The following SRD5A2 variants were observed in gnomAD, a reference collection of about 807,000 sequenced individuals.
The protein encoded by SRD5A2 is 3-oxo-5-alpha-steroid 4-dehydrogenase 2.
A neutral mutation model predicts 27.4 loss-of-function variants in SRD5A2; 30 were observed. The observed-to-expected ratio is 1.10, with a 90% CI of 0.82 to 1.49. The LOEUF (loss-of-function observed/expected upper bound fraction) is 1.49. SRD5A2 is among the 40% of genes most tolerant of loss of function. The pLI, the probability that SRD5A2 is intolerant of heterozygous loss-of-function variation, is 0.00. For missense variants in SRD5A2, 348 were observed against 323.4 expected (o/e 1.08, Z -0.58); for synonymous variants, 141 against 133.6 (o/e 1.06, Z -0.38).
At chr2:31,621,195 A>G in the SRD5A2 span, among the ~76,000 whole-genome samples, 1 of 151,948 alleles carries the variant, frequency 6.6e-6, no homozygotes, top group Non-Finnish European at 1.5e-5. Context: ...CAATCAAGAT[A>G]CAGAATAATG....
intron 1 of SRD5A2, among the ~76,000 whole-genome samples, chr2:31,537,026 C>T (rs1666041017): frequency 6.6e-6 from 1 of 152,120 alleles, no homozygotes; most frequent in African/African-American, 2.4e-5. Flanking sequence ...AATTGCAAAT[C>T]CAAATTAAAC....
chr2:31,530,266 A>G (rs1665876852), intron 3 of SRD5A2, among the ~76,000 whole-genome samples: 1 of 152,216 alleles, frequency 6.6e-6, no homozygotes, highest in South Asian at 2.1e-4. Context: ...CAAAAGTTGG[A>G]AACTAATCTT....
At chr2:31,577,158 A>AC (rs11399151) in intron 1 of SRD5A2, among the ~76,000 whole-genome samples, 1 of 39,502 alleles carries the variant, frequency 2.5e-5, no homozygotes, top group Non-Finnish European at 4.5e-5. Context: ...AAAAAAAAAA[A>AC]CATTAAAAAA....
the SRD5A2 span, among the ~76,000 whole-genome samples, chr2:31,644,557 T>A: frequency 6.6e-6 from 1 of 152,166 alleles, no homozygotes; most frequent in Non-Finnish European, 1.5e-5. Flanking sequence ...GAGAATCTAA[T>A]GCGGCAGCTG....
chr2:31,583,625 A>C (rs1296214158), upstream of SRD5A2, among the ~76,000 whole-genome samples: 7 of 42,452 alleles, frequency 1.6e-4, no homozygotes, highest in Non-Finnish European at 2.5e-4. Context: ...AAAAAAAAAA[A>C]AAACAAAAAA....
At chr2:31,582,069 T>C (rs1423685591), upstream of SRD5A2, among the ~76,000 whole-genome samples, 2 of 152,098 alleles carry the variant, frequency 1.3e-5, no homozygotes, top group South Asian at 4.2e-4. Context: ...CCACCTGCTG[T>C]TTACCTCATT....
In SRD5A2 at chr2:31,524,090, G is replaced by A. The variant is rs1665718977; in HGVS notation, c.*2106C>T. 2 of 223,078 alleles carry A rather than the reference G, an allele frequency of 9.0e-6. No individual in the cohort carries two copies. Among genetic ancestry groups the A allele is most frequent in the Admixed American group, 5.7e-5 (1 of 17,438 alleles). 13.8% of individuals were successfully genotyped at this position (223,078 alleles called of 1,614,324 possible). On this transcript the variant is annotated 3_prime_UTR_variant, in exon 5 of 5. Transcript: ENST00000622030. ...GTGGCAAAAAGTGAAATTGCCAAATGGCGGTTTTGTCCTGAGACTGAGTAC... is the reference window on the plus strand; with the variant it reads ...GTGGCAAAAAGTGAAATTGCCAAATAGCGGTTTTGTCCTGAGACTGAGTAC...
At chr2:31,579,888 A>G (rs1417473439) in intron 1 of SRD5A2, among the ~76,000 whole-genome samples, 1 of 152,166 alleles carries the variant, frequency 6.6e-6, no homozygotes, top group Non-Finnish European at 1.5e-5. Context: ...TAAATCTAGA[A>G]GAACATTTGA....
intron 1 of SRD5A2, among the ~76,000 whole-genome samples, chr2:31,553,707 G>T (rs1666428945): frequency 6.6e-6 from 1 of 152,134 alleles, no homozygotes; most frequent in Non-Finnish European, 1.5e-5. Context: ...TCTAAAGGAA[G>T]GATATTTGAG....
At chr2:31,622,146 G>C in the SRD5A2 span, among the ~76,000 whole-genome samples, 1 of 151,968 alleles carries the variant, frequency 6.6e-6, no homozygotes, top group African/African-American at 2.4e-5. Context: ...ACAGGCCCCA[G>C]TGTATGTTGT....
chr2:31,570,185 C>G (rs1255932427), intron 1 of SRD5A2, among the ~76,000 whole-genome samples: 2 of 152,138 alleles, frequency 1.3e-5, no homozygotes, highest in Non-Finnish European at 2.9e-5. Flanking sequence ...CCACCAGGAT[C>G]AAGCAGGCTT....
the SRD5A2 span, among the ~76,000 whole-genome samples, chr2:31,661,851 A>AT: frequency 2.6e-5 from 4 of 151,540 alleles, no homozygotes; most frequent in African/African-American, 4.9e-5. Flanking sequence ...TTTTTCAACC[A>AT]TTTTTTTTCT....
the SRD5A2 span, among the ~76,000 whole-genome samples, chr2:31,634,954 T>A: frequency 1.3e-5 from 2 of 152,164 alleles, no homozygotes; most frequent in African/African-American, 4.8e-5. Flanking sequence ...ACTGCTTGAA[T>A]CTGTATTTTG....
At chr2:31,631,833 C>T in the SRD5A2 span, among the ~76,000 whole-genome samples, 1 of 152,164 alleles carries the variant, frequency 6.6e-6, no homozygotes, top group African/African-American at 2.4e-5. Context: ...AGGCAGTTCC[C>T]AGTGTAGACC....
chr2:31,616,930 C>T, the SRD5A2 span, among the ~76,000 whole-genome samples: 1 of 152,042 alleles, frequency 6.6e-6, no homozygotes. Context: ...GTGGGAGGAA[C>T]CTGGTGGGAG....
chr2:31,577,230 G>A (rs1666977598), intron 1 of SRD5A2, among the ~76,000 whole-genome samples: 1 of 137,856 alleles, frequency 7.3e-6, no homozygotes, highest in African/African-American at 2.7e-5. Flanking sequence ...GTGGGATTAG[G>A]CAATGTGCTT....
At chr2:31,611,751 C>T in the SRD5A2 span, among the ~76,000 whole-genome samples, 484 of 152,204 alleles carry the variant, frequency 3.2e-3, 1 homozygote, top group African/African-American at 0.011. Flanking sequence ...AACTGTTTGG[C>T]TATTTTTTAT....
chr2:31,630,769 G>A, the SRD5A2 span, among the ~76,000 whole-genome samples: 5 of 152,320 alleles, frequency 3.3e-5, no homozygotes, highest in South Asian at 1.0e-3. Context: ...AGAAAAAGGT[G>A]ATTTAACATT....
chr2:31,633,418 C>A, the SRD5A2 span, among the ~76,000 whole-genome samples: 1 of 151,882 alleles, frequency 6.6e-6, no homozygotes, highest in Non-Finnish European at 1.5e-5. Flanking sequence ...GTGAAGTGTG[C>A]CAAAGAAATA....
Sources: allele counts gnomAD v4.1 joint callset (sites outside exome capture counted in the v4.1 genomes callset), GRCh38; gene constraint gnomAD v4.1.1; transcripts MANE v1.5; gene names NCBI Gene and HGNC (gene_info 2026-07-23, HGNC 2026-07-21).